The following TENM2 variants were observed in gnomAD, a reference collection of about 807,000 sequenced individuals.
TENM2 encodes the protein teneurin transmembrane protein 2, also known as teneurin-2.
Under a neutral mutation model 245.2 loss-of-function variants are expected in TENM2, and 52 were observed. That is an observed-to-expected ratio of 0.21 (90% CI 0.17 to 0.27). The LOEUF is 0.27. Ranked by LOEUF, TENM2 falls within the 10% of genes least tolerant of loss-of-function variation. TENM2 has a pLI of 1.00. For missense variants in TENM2, 3,046 were observed against 3,666.8 expected (o/e 0.83, Z 4.37); for synonymous variants, 1,363 against 1,438.9 (o/e 0.95, Z 1.19).
the TENM2 span, among the ~76,000 whole-genome samples, chr5:167,242,765 A>G: frequency 1.3e-5 from 2 of 152,218 alleles, no homozygotes; most frequent in East Asian, 1.9e-4. Flanking sequence ...CAAGGCTTCC[A>G]GTGAACAGTA....
At chr5:167,279,186 T>G in the TENM2 span, among the ~76,000 whole-genome samples, 1 of 152,206 alleles carries the variant, frequency 6.6e-6, no homozygotes, top group Non-Finnish European at 1.5e-5. Flanking sequence ...GTATTGTTTT[T>G]TCTCACCCTT....
chr5:167,605,208 G>A (rs1325169377), intron 2 of TENM2, among the ~76,000 whole-genome samples: 2 of 152,088 alleles, frequency 1.3e-5, no homozygotes, highest in Non-Finnish European at 2.9e-5. Context: ...AAGAACGTAC[G>A]ATTCTATGTT....
chr5:167,592,861 T>G (rs1304380933), intron 2 of TENM2, among the ~76,000 whole-genome samples: 2 of 152,176 alleles, frequency 1.3e-5, no homozygotes, highest in Non-Finnish European at 2.9e-5. Flanking sequence ...ATACACATCA[T>G]ATCCAATGTG....
chr5:167,780,754 A>T (rs1764134652), intron 2 of TENM2, among the ~76,000 whole-genome samples: 1 of 152,090 alleles, frequency 6.6e-6, no homozygotes, highest in Non-Finnish European at 1.5e-5. Flanking sequence ...GTGCCCAGAG[A>T]CTCACAGGCA....
At chr5:168,156,145 A>T (rs1401586346) in intron 12 of TENM2, among the ~76,000 whole-genome samples, 1 of 148,380 alleles carries the variant, frequency 6.7e-6, no homozygotes, top group African/African-American at 2.5e-5. Context: ...AGGCTCAGAG[A>T]GGTGGATCTA....
At chr5:167,913,081 G>A (rs576217251) in intron 3 of TENM2, among the ~76,000 whole-genome samples, 1 of 152,236 alleles carries the variant, frequency 6.6e-6, no homozygotes, top group South Asian at 2.1e-4. Context: ...AAACTATGCA[G>A]CAACCTCAGC....
intron 2 of TENM2, among the ~76,000 whole-genome samples, chr5:167,739,042 G>A (rs1760994841): frequency 6.6e-6 from 1 of 152,160 alleles, no homozygotes; most frequent in South Asian, 2.1e-4. Context: ...TATTAAAGTG[G>A]ATAAACTAGA....
chr5:168,157,449 AG>A (rs1418222854), intron 12 of TENM2, among the ~76,000 whole-genome samples: 1 of 152,126 alleles, frequency 6.6e-6, no homozygotes, highest in Non-Finnish European at 1.5e-5. Flanking sequence ...GAGACCAGTT[AG>A]GAGGTTTCGA....
intron 2 of TENM2, among the ~76,000 whole-genome samples, chr5:167,538,720 C>A (rs963285184): frequency 6.6e-6 from 1 of 152,154 alleles, no homozygotes; most frequent in Non-Finnish European, 1.5e-5. Context: ...TCATAGATGA[C>A]CTTCTCCTCT....
chr5:167,642,398 T>C (rs1460148721), intron 2 of TENM2, among the ~76,000 whole-genome samples: 1 of 152,194 alleles, frequency 6.6e-6, no homozygotes, highest in Non-Finnish European at 1.5e-5. Context: ...AGCCCTGTTC[T>C]GCTGAGACAA....
intron 2 of TENM2, among the ~76,000 whole-genome samples, chr5:167,388,519 T>C (rs1761576220): frequency 6.6e-6 from 1 of 152,154 alleles, no homozygotes; most frequent in Non-Finnish European, 1.5e-5. Flanking sequence ...TTCTGTGATC[T>C]TGGGTTTTTT....
chr5:167,467,977 C>T (rs1766778923), intron 2 of TENM2, among the ~76,000 whole-genome samples: 1 of 152,184 alleles, frequency 6.6e-6, no homozygotes, highest in Non-Finnish European at 1.5e-5. Flanking sequence ...GCTCTTGTCG[C>T]CCAGGCTGGA....
the TENM2 span, among the ~76,000 whole-genome samples, chr5:167,191,966 A>G: frequency 3.7e-4 from 57 of 152,198 alleles, no homozygotes; most frequent in African/African-American, 1.3e-3. Context: ...ATCCATTAGC[A>G]ACTTCCGTAC....
At chr5:167,499,912 ATATG>A (rs1160070019) in intron 2 of TENM2, among the ~76,000 whole-genome samples, 7 of 79,548 alleles carry the variant, frequency 8.8e-5, no homozygotes, top group African/African-American at 3.2e-4. Context: ...GTGAGGGTGT[ATATG>A]TGTGTGTGTG....
Position 168,244,314 on chromosome 5 carries a change from C to T in TENM2, c.5521-106C>T. On this transcript the variant is annotated intron_variant, in intron 25 of 28. Coordinates refer to ENST00000518659, the Ensembl canonical transcript of TENM2. This position sits in a 1 kb window ranked among gnomAD's most constrained non-coding sequence, Gnocchi z 4.9. ...TCTAACTTTGGGGTTATTTCTTCCT[C>T]CAGTGAACACTTAAGCCCTGGCCAT... 2.3e-6 allele frequency: 2 copies of T among 883,052 alleles called. No homozygotes were observed. The highest frequency in any genetic ancestry group is 3.2e-6 in the Non-Finnish European group (2 of 623,262). The allele number at this position is 883,052 out of a possible 1,614,324, so 54.7% of individuals were successfully genotyped here.
intron 1 of TENM2, among the ~76,000 whole-genome samples, chr5:167,336,326 G>C (rs1345411009): frequency 6.6e-6 from 1 of 151,472 alleles, no homozygotes; most frequent in Admixed American, 6.6e-5. Context: ...GAGCTGCTTG[G>C]AGTGTGTACC....
intron 6 of TENM2, among the ~76,000 whole-genome samples, chr5:168,061,376 T>G (rs1313250354): frequency 1.3e-5 from 2 of 152,200 alleles, no homozygotes; most frequent in Non-Finnish European, 2.9e-5. Flanking sequence ...TTCATTGTTT[T>G]TAAGAACTCC....
chr5:167,073,530 T>G, the TENM2 span, among the ~76,000 whole-genome samples: 1 of 152,202 alleles, frequency 6.6e-6, no homozygotes, highest in Non-Finnish European at 1.5e-5. Flanking sequence ...TTTCTGTCTT[T>G]GAAATTTGCT....
chr5:167,365,873 G>A (rs1360307455), intron 1 of TENM2, among the ~76,000 whole-genome samples: 2 of 151,822 alleles, frequency 1.3e-5, no homozygotes, highest in African/African-American at 4.8e-5. Context: ...CACACCAACA[G>A]CAAATTAGTA....
Sources: allele counts gnomAD v4.1 joint callset (sites outside exome capture counted in the v4.1 genomes callset), GRCh38; gene constraint gnomAD v4.1.1; non-coding constraint Gnocchi (gnomAD v3.1); transcripts MANE v1.5; gene names NCBI Gene and HGNC (gene_info 2026-07-23, HGNC 2026-07-21).